Variants in TSFM observed in about 807,000 individuals in gnomAD.
TSFM encodes Ts translation elongation factor, mitochondrial, also known as elongation factor Ts, mitochondrial.
A neutral mutation model predicts 33.4 loss-of-function variants in TSFM; 29 were observed. The ratio of observed to expected loss-of-function variants is 0.87; its 90% confidence interval spans 0.65 to 1.18. The LOEUF is 1.18. Ranked by LOEUF, TSFM falls within the 50% of genes most tolerant of loss-of-function variation. TSFM has a pLI of 0.00. For synonymous variants in TSFM, 178 were observed against 163.5 expected, an observed-to-expected ratio of 1.09 and a Z score of -0.68; for missense variants, 394 against 395.6, an observed-to-expected ratio of 1.00 and a Z score of 0.04.
chr12:57,798,151 C>T (rs1955773514), downstream of TSFM, among the ~76,000 whole-genome samples: 1 of 152,166 alleles, frequency 6.6e-6, no homozygotes, highest in Non-Finnish European at 1.5e-5. Flanking sequence ...TTAAATTATT[C>T]ATTGGAGAGG....
At chr12:57,788,548 A>T (rs1042465502) in intron 4 of TSFM, among the ~76,000 whole-genome samples, 1 of 152,176 alleles carries the variant, frequency 6.6e-6, no homozygotes, top group Non-Finnish European at 1.5e-5. Context: ...AAGTGCTGGG[A>T]TTACAGGCGT....
Position 57,796,592 on chromosome 12 carries a change from G to C in TSFM, c.*9G>C, listed in dbSNP as rs1204433421. On this transcript the variant is annotated 3_prime_UTR_variant, in exon 6 of 6. Transcript: ENST00000652027. Reference sequence around the variant, plus strand: ...CAGCAGAAACTGAATAGGTTCCAGAGACTTTTGGCCCAGGAGGAATATTTA... The same window carrying C: ...CAGCAGAAACTGAATAGGTTCCAGACACTTTTGGCCCAGGAGGAATATTTA... 2.2e-6 allele frequency: 3 copies of C among 1,383,580 alleles called. No homozygotes were observed. Among genetic ancestry groups the C allele is most frequent in the Non-Finnish European group, 2.8e-6 (3 of 1,060,748 alleles). 85.7% of individuals were successfully genotyped at this position (1,383,580 alleles called of 1,614,324 possible).
Position 57,789,152 on chromosome 12 carries a change from C to T in TSFM, c.483+1990C>T, listed in dbSNP as rs151198329. Reference sequence around the variant, plus strand: ...AATTTTTTTTGTATTTTTGTAGAGACGGGAGTTTCACCATGTTGGCCAGGC... The same window carrying T: ...AATTTTTTTTGTATTTTTGTAGAGATGGGAGTTTCACCATGTTGGCCAGGC... On this transcript the variant is annotated intron_variant, in intron 4 of 5. Transcript: ENST00000652027. Among the ~76,000 whole-genome samples the T allele has an allele frequency of 3.9e-3, 592 of 151,554 alleles. 4 individuals carry two copies. Among genetic ancestry groups the T allele is most frequent in the African/African-American group, 0.013 (549 of 41,312 alleles).
intron 5 of TSFM, among the ~76,000 whole-genome samples, chr12:57,795,729 C>G (rs1955727650): frequency 6.6e-6 from 1 of 152,124 alleles, no homozygotes; most frequent in Non-Finnish European, 1.5e-5. Context: ...ATTCTCCTGC[C>G]TCAGCCTCCT....
In TSFM at chr12:57,796,514, G is replaced by C; in HGVS notation, c.909G>C (p.Gln303His). 1 of 1,528,518 alleles carries C rather than the reference G, an allele frequency of 6.5e-7. No homozygotes were observed. Among genetic ancestry groups the C allele is most frequent in the Non-Finnish European group, 8.8e-7 (1 of 1,137,120 alleles). The allele number at this position is 1,528,518 out of a possible 1,614,324, so 94.7% of individuals were successfully genotyped here. A position where few individuals can be genotyped will look rare whatever the true frequency, so the allele number is the denominator to read the frequency against. ...CCTTGGGGCAGTATGTGCAGCCTCA[G>C]GGGGTGTCGGTAGTAGACTTTGTGC... ...SITLGQYVQP[Q>H]GVSVVDFVRF... Residue 303 changes from glutamine (Q) to histidine (H), a missense_variant, in exon 6 of 6, where the codon CAG (glutamine) becomes CAC (histidine). Physicochemically the swap from Gln to His is conservative, Grantham distance 24 (BLOSUM62 0). Coordinates refer to ENST00000652027, the MANE Select transcript of TSFM (RefSeq NM_005726.6).
chr12:57,802,385 C>G (rs1310656071), downstream of TSFM: 1 of 1,569,396 alleles, frequency 6.4e-7, no homozygotes, highest in Admixed American at 1.9e-5. Flanking sequence ...TTACTGTGTT[C>G]ATACCAAGGA....
At chr12:57,802,067 C>G, downstream of TSFM, 1 of 1,419,224 alleles carries the variant, frequency 7.0e-7, no homozygotes, top group Middle Eastern at 2.5e-4. Flanking sequence ...CCTGGTTTCA[C>G]TGAGCCGTGA....
At chr12:57,798,130 C>A, downstream of TSFM, 1 of 530,280 alleles carries the variant, frequency 1.9e-6, no homozygotes, top group Admixed American at 3.8e-5. Context: ...CTCAGAAAGG[C>A]TGTTAAAGAT....
intron 4 of TSFM, 30 bp downstream of exon 4, chr12:57,787,192 G>A (rs1955602855): frequency 4.5e-6 from 7 of 1,547,170 alleles, no homozygotes; most frequent in Non-Finnish European, 6.1e-6. Flanking sequence ...CCAGTGTGCT[G>A]AATTTGCTGT....
chr12:57,791,167 A>T (rs1417257876), intron 4 of TSFM, among the ~76,000 whole-genome samples: 1 of 150,110 alleles, frequency 6.7e-6, no homozygotes, highest in Non-Finnish European at 1.5e-5. Context: ...CCGCCACCAC[A>T]CCTGGCTAAT....
chr12:57,786,931 TGAG>T, intron 3 of TSFM, 106 bp from the exon 4 acceptor site: 1 of 1,251,216 alleles, frequency 8.0e-7, no homozygotes. Context: ...TTTTTTCCGT[TGAG>T]TCTGTAGCTT....
chr12:57,802,265 G>T (rs1955864269), downstream of TSFM: 1 of 1,614,030 alleles, frequency 6.2e-7, no homozygotes, highest in South Asian at 1.1e-5. Context: ...GGCCGCTGGG[G>T]TGAGTGTGCA....
At chr12:57,800,855 G>A (rs369793129), downstream of TSFM, among the ~76,000 whole-genome samples, 46 of 152,258 alleles carry the variant, frequency 3.0e-4, 1 homozygote, top group African/African-American at 1.0e-3. Flanking sequence ...TGATCCACCC[G>A]CCTTGGCCTC....
chr12:57,789,342 G>A (rs780498105), intron 4 of TSFM, among the ~76,000 whole-genome samples: 15 of 152,000 alleles, frequency 9.9e-5, no homozygotes, highest in African/African-American at 3.6e-4. Flanking sequence ...CATGTATCTC[G>A]TAAAAACAAG....
At chr12:57,786,491 A>G (rs1955592820) in intron 3 of TSFM, among the ~76,000 whole-genome samples, 200 bp downstream of exon 3, 1 of 152,258 alleles carries the variant, frequency 6.6e-6, no homozygotes, top group African/African-American at 2.4e-5. Flanking sequence ...TTGATGAGAA[A>G]TGGCCTGACA....
At chr12:57,802,643 A>T, downstream of TSFM, 1 of 669,482 alleles carries the variant, frequency 1.5e-6, no homozygotes, top group South Asian at 1.6e-5. Context: ...TGCTCTAAGC[A>T]CCTTAAAAAT....
chr12:57,797,564 T>C lies in TSFM; in HGVS notation c.*981T>C. ...TCCTGGTATAATATTAAACATAAAG[T>C]TATTAAACATTTTAAGCATTGTTTT... On this transcript the variant is annotated 3_prime_UTR_variant, in exon 6 of 6. Coordinates refer to ENST00000652027, the MANE Select transcript of TSFM (RefSeq NM_005726.6). The C allele has an allele frequency of 2.2e-6, 2 of 913,668 alleles. No individual in the cohort carries two copies. The allele number at this position is 913,668 out of a possible 1,614,324, so 56.6% of individuals were successfully genotyped here. A position where few individuals can be genotyped will look rare whatever the true frequency, so the allele number is the denominator to read the frequency against.
chr12:57,790,497 G>T (rs972086148), intron 4 of TSFM, among the ~76,000 whole-genome samples: 1 of 152,142 alleles, frequency 6.6e-6, no homozygotes, highest in African/African-American at 2.4e-5. Flanking sequence ...TTTTAGTTAT[G>T]TACTCATATG....
intron 5 of TSFM, 121 bp from the exon 6 acceptor site, chr12:57,796,056 C>T: frequency 2.4e-6 from 2 of 848,816 alleles, no homozygotes; most frequent in Non-Finnish European, 3.6e-6. Context: ...CATCTTACTG[C>T]ATATCCTATG....
Sources: allele counts gnomAD v4.1 joint callset (sites outside exome capture counted in the v4.1 genomes callset), GRCh38; gene constraint gnomAD v4.1.1; transcripts MANE v1.5; gene names NCBI Gene and HGNC (gene_info 2026-07-23, HGNC 2026-07-21).